Variants in BLVRB observed in about 807,000 individuals in gnomAD.
BLVRB encodes the protein flavin reductase (NADPH).
Under a neutral mutation model 21.1 loss-of-function variants are expected in BLVRB, and 25 were observed. That is an observed-to-expected ratio of 1.19 (90% confidence interval 0.86 to 1.66). The LOEUF is 1.66. Ranked by LOEUF, BLVRB falls within the 40% of genes most tolerant of loss-of-function variation. The pLI is 0.00. For synonymous variants in BLVRB, 128 were observed against 122.2 expected (o/e 1.05, Z -0.31); for missense variants, 274 against 282.7 (o/e 0.97, Z 0.22).
At chr19:40,460,599 A>C (rs62106988) in intron 1 of BLVRB, among the ~76,000 whole-genome samples, 18,492 of 149,870 alleles carry the variant, frequency 0.12, 1,186 homozygotes, top group East Asian at 0.2. Flanking sequence ...ACTCTGTCTC[A>C]AAAATAAATA....
At chr19:40,462,441 G>C (rs372884587) in intron 1 of BLVRB, among the ~76,000 whole-genome samples, 4 of 151,518 alleles carry the variant, frequency 2.6e-5, no homozygotes, top group Middle Eastern at 3.4e-3. Flanking sequence ...ACAACACCCG[G>C]CGAATTTTTT....
chr19:40,450,892 A>ATCTC (rs200633630), intron 4 of BLVRB, among the ~76,000 whole-genome samples: 1 of 148,828 alleles, frequency 6.7e-6, no homozygotes, highest in African/African-American at 2.5e-5. Context: ...CTATCTATCT[A>ATCTC]ATCTCTATCT....
At chr19:40,455,133 C>T (rs1202596763) in intron 3 of BLVRB, among the ~76,000 whole-genome samples, 1 of 152,190 alleles carries the variant, frequency 6.6e-6, no homozygotes, top group Non-Finnish European at 1.5e-5. Flanking sequence ...AGGCGTGAGC[C>T]ACTGTGCCTG....
Position 40,447,793 on chromosome 19 carries a change from TC to T in BLVRB, c.*95del. 7.1e-7 allele frequency: 1 copy of T among 1,415,380 alleles called. No individual in the cohort carries two copies. Among genetic ancestry groups the T allele is most frequent in the Non-Finnish European group, 9.6e-7 (1 of 1,037,208 alleles). 87.7% of individuals were successfully genotyped at this position (1,415,380 alleles called of 1,614,324 possible). On this transcript the variant is annotated 3_prime_UTR_variant, in exon 5 of 5. Transcript: ENST00000263368. ...GAGGAAGAGTCACACAGTCGGTTTC[TC>T]TAGAGTAATTTGAAGCTCTTGGCTC...
At chr19:40,448,641 A>ATATATATC (rs2079725795) in intron 4 of BLVRB, among the ~76,000 whole-genome samples, 1 of 121,172 alleles carries the variant, frequency 8.3e-6, no homozygotes, top group Admixed American at 8.7e-5. Context: ...ATATATATAT[A>ATATATATC]TATTTGTCAG....
intron 3 of BLVRB, among the ~76,000 whole-genome samples, chr19:40,457,281 T>G (rs2079765948): frequency 6.6e-6 from 1 of 152,164 alleles, no homozygotes; most frequent in Non-Finnish European, 1.5e-5. Flanking sequence ...ACCCTCCAAC[T>G]AGGTCTGGCC....
At chr19:40,448,195 G>T in intron 4 of BLVRB, 149 bp from the exon 5 acceptor site, 1 of 763,984 alleles carries the variant, frequency 1.3e-6, no homozygotes, top group Non-Finnish European at 2.1e-6. Context: ...ATATGCAGGT[G>T]CTCATCTATA....
chr19:40,462,755 T>C (rs955780503), intron 1 of BLVRB, among the ~76,000 whole-genome samples: 1 of 150,468 alleles, frequency 6.6e-6, no homozygotes, highest in African/African-American at 2.4e-5. Flanking sequence ...TAGCTGGGCA[T>C]GGTGGCAGGC....
At position 40,465,650 on chromosome 19, in the gene BLVRB, G is replaced by T. The variant is rs765115722; in HGVS notation, c.39C>A (p.Gly13=). 4 of 1,612,672 alleles carry T rather than the reference G, an allele frequency of 2.5e-6. No individual in the cohort carries two copies. The African/African-American group carries it at 4.0e-5, about 16-fold the overall frequency. ...VKKIAIFGAT[G]QTGLTTLAQA... is the part of the protein sequence containing the mutation. ...GCGCCAGGGTGGTGAGCCCGGTCTGGCCAGTGGCGCCGAAGATCGCGATCT... is the reference window on the plus strand; with the variant it reads ...GCGCCAGGGTGGTGAGCCCGGTCTGTCCAGTGGCGCCGAAGATCGCGATCT... The change falls in exon 1 of 5, where the codon GGC becomes GGA. Residue 13 remains glycine (G), a synonymous_variant. Coordinates refer to ENST00000263368, the MANE Select transcript of BLVRB (RefSeq NM_000713.3).
At chr19:40,452,904 C>CA (rs1568737334) in intron 3 of BLVRB, among the ~76,000 whole-genome samples, 2 of 122,254 alleles carry the variant, frequency 1.6e-5, no homozygotes, top group African/African-American at 4.1e-5. Flanking sequence ...ACAAAAAAAA[C>CA]ACAAAAATTA....
At chr19:40,465,486 G>T in intron 1 of BLVRB, 124 bp downstream of exon 1, 1 of 1,220,660 alleles carries the variant, frequency 8.2e-7, no homozygotes, top group Non-Finnish European at 1.2e-6. Context: ...TTTGGCCCCT[G>T]AGTCCTCATA....
intron 1 of BLVRB, among the ~76,000 whole-genome samples, chr19:40,459,670 A>C (rs1240231089): frequency 6.6e-6 from 1 of 152,036 alleles, no homozygotes; most frequent in Non-Finnish European, 1.5e-5. Context: ...TCCCAAGTTC[A>C]AGCGATTCTT....
At chr19:40,453,808 A>C (rs571296978) in intron 3 of BLVRB, among the ~76,000 whole-genome samples, 12 of 152,240 alleles carry the variant, frequency 7.9e-5, no homozygotes, top group Admixed American at 5.9e-4. Context: ...CCTGGGTACG[A>C]TGGTGAGACC....
chr19:40,463,227 G>C (rs1284908872), intron 1 of BLVRB, among the ~76,000 whole-genome samples: 1 of 152,212 alleles, frequency 6.6e-6, no homozygotes, highest in Non-Finnish European at 1.5e-5. Flanking sequence ...CTAGTAGGTA[G>C]AGAAGGTTGA....
Position 40,458,408 on chromosome 19 carries a change from C to T in BLVRB, c.217G>A (p.Val73Met), listed in dbSNP as rs867835861. 6.9e-6 allele frequency: 11 copies of T among 1,590,420 alleles called. No homozygotes were observed. Among genetic ancestry groups the T allele is most frequent in the Non-Finnish European group, 8.6e-6 (10 of 1,169,232 alleles). ...AGGTCATTGCGGGTGCCCAGCAGCA[C>T]GATGACAGCGTCCTGCCCAGCCACG... Reference protein sequence around the residue: ...KTVAGQDAVIVLLGTRNDLSP... With the variant: ...KTVAGQDAVIMLLGTRNDLSP... The change falls in exon 2 of 5, where the codon GTG (valine) becomes ATG (methionine). Residue 73 changes from valine (V) to methionine (M), a missense_variant. Physicochemically the swap from Val to Met is conservative, Grantham distance 21 (BLOSUM62 1). Coordinates refer to ENST00000263368, the MANE Select transcript of BLVRB (RefSeq NM_000713.3).
chr19:40,453,052 G>A (rs1240558313), intron 3 of BLVRB, among the ~76,000 whole-genome samples: 1 of 152,156 alleles, frequency 6.6e-6, no homozygotes, highest in African/African-American at 2.4e-5. Context: ...GACAGAGCAA[G>A]ACTCCGTCTC....
chr19:40,458,214 C>T lies in BLVRB; in HGVS notation c.275G>A (p.Arg92Gln), dbSNP rs145500296. The change falls in exon 3 of 5, where the codon CGG becomes CAG. Residue 92 changes from arginine (R) to glutamine (Q), a missense_variant. Physicochemically the swap from Arg to Gln is conservative, Grantham distance 43. Transcript: ENST00000263368. ...SPTTVMSEGA[R>Q]NIVAAMKAHG... ...AGCCTTCATGGCTGCCACAATGTTC[C>T]GGGCGCCCTCGGACATCACTGTCGT... 2.0e-4 allele frequency: 314 copies of T among 1,601,316 alleles called. No homozygotes were observed. Among genetic ancestry groups the T allele is most frequent in the Non-Finnish European group, 2.4e-4 (277 of 1,172,052 alleles).
intron 3 of BLVRB, among the ~76,000 whole-genome samples, chr19:40,454,649 C>T (rs2079755008): frequency 6.6e-6 from 1 of 151,140 alleles, no homozygotes; most frequent in Admixed American, 6.6e-5. Context: ...GGGTTTACGC[C>T]ATTCTCCTGC....
intron 3 of BLVRB, among the ~76,000 whole-genome samples, chr19:40,456,835 G>C (rs1355981628): frequency 6.6e-6 from 1 of 151,888 alleles, no homozygotes; most frequent in East Asian, 1.9e-4. Flanking sequence ...CAGGCACCAT[G>C]AACCCGGGAG....
Sources: allele counts gnomAD v4.1 joint callset (sites outside exome capture counted in the v4.1 genomes callset), GRCh38; gene constraint gnomAD v4.1.1; transcripts MANE v1.5; gene names NCBI Gene and HGNC (gene_info 2026-07-23, HGNC 2026-07-21).